Variants in DPH6 observed in about 807,000 individuals in gnomAD.
The protein encoded by DPH6 is diphthamine biosynthesis 6, also known as diphthine--ammonia ligase.
A neutral mutation model predicts 38.2 loss-of-function variants in DPH6; 33 were observed. That is an observed-to-expected ratio of 0.86 (90% CI 0.65 to 1.15). The LOEUF is 1.15. Ranked by LOEUF, DPH6 falls within the 50% of genes most tolerant of loss-of-function variation. The pLI is 0.00. For synonymous variants in DPH6, 108 were observed against 103.0 expected, an observed-to-expected ratio of 1.05 and a Z score of -0.30; for missense variants, 325 against 320.0, an observed-to-expected ratio of 1.02 and a Z score of -0.12.
At chr15:35,189,249 A>G in the DPH6 span, among the ~76,000 whole-genome samples, 1 of 152,160 alleles carries the variant, frequency 6.6e-6, no homozygotes. Context: ...CCTTTACCCT[A>G]TTTTTCTCAC....
At chr15:35,540,308 A>C (rs999506536) in intron 2 of DPH6, among the ~76,000 whole-genome samples, 11 of 152,122 alleles carry the variant, frequency 7.2e-5, no homozygotes, top group African/African-American at 2.7e-4. Flanking sequence ...AAATCTAAAG[A>C]GATGGTTTTG....
At chr15:35,214,055 T>G (rs1228432334), downstream of DPH6, among the ~76,000 whole-genome samples, 4 of 147,862 alleles carry the variant, frequency 2.7e-5, no homozygotes, top group African/African-American at 7.5e-5. Flanking sequence ...GAGCTTGCAG[T>G]GAGCTGAGAT....
At chr15:35,498,451 T>G (rs950659117) in intron 3 of DPH6, among the ~76,000 whole-genome samples, 4 of 152,066 alleles carry the variant, frequency 2.6e-5, no homozygotes, top group Non-Finnish European at 5.9e-5. Flanking sequence ...AAAAAACAGA[T>G]TTTTGCACAG....
intron 5 of DPH6, among the ~76,000 whole-genome samples, chr15:35,436,455 G>C (rs1295287476): frequency 9.3e-6 from 1 of 107,872 alleles, no homozygotes; most frequent in Non-Finnish European, 1.9e-5. Context: ...GACAGAGTGA[G>C]ACTCCGTCTC....
chr15:35,480,934 T>C (rs2054318629), intron 3 of DPH6, among the ~76,000 whole-genome samples: 1 of 151,320 alleles, frequency 6.6e-6, no homozygotes, highest in South Asian at 2.1e-4. Flanking sequence ...AAATAGTATA[T>C]GTTTCCTGAT....
chr15:35,502,662 T>C (rs1360458090), intron 3 of DPH6, among the ~76,000 whole-genome samples: 2 of 151,716 alleles, frequency 1.3e-5, no homozygotes, highest in Admixed American at 1.3e-4. Flanking sequence ...AAGAGGAATA[T>C]CTGAAAAATC....
At chr15:35,535,480 G>C (rs972626507) in intron 3 of DPH6, among the ~76,000 whole-genome samples, 31 of 152,108 alleles carry the variant, frequency 2.0e-4, no homozygotes, top group African/African-American at 7.0e-4. Context: ...GATCCAGAAA[G>C]TAGTTCCAAC....
intron 3 of DPH6, among the ~76,000 whole-genome samples, chr15:35,347,662 G>A (rs1449827393): frequency 1.3e-5 from 2 of 150,720 alleles, no homozygotes; most frequent in Non-Finnish European, 3.0e-5. Context: ...GTGGGATTGT[G>A]GTATAATATG....
intron 1 of DPH6, among the ~76,000 whole-genome samples, chr15:35,544,582 C>T (rs2055315266): frequency 6.6e-6 from 1 of 152,004 alleles, no homozygotes; most frequent in Non-Finnish European, 1.5e-5. Context: ...ACTTATAATA[C>T]ATAATTATAT....
rs556684412 is a variant in DPH6, at chr15:35,310,170, C to T, written n.200+63351G>A. On this transcript the variant is annotated intron_variant and non_coding_transcript_variant, in intron 3 of 3. Transcript: ENST00000560386. ...CCCAGATTGAGAACACCACGTAGAACGAGAATGGATATTCTTTAGGGACAG... is the reference window on the plus strand; with the variant it reads ...CCCAGATTGAGAACACCACGTAGAATGAGAATGGATATTCTTTAGGGACAG... 2.1e-4 allele frequency among the ~76,000 whole-genome samples: 32 copies of T among 152,190 alleles called. 1 individual carries two copies. Among genetic ancestry groups the T allele is most frequent in the South Asian group, 8.3e-4 (4 of 4,828 alleles).
At chr15:35,301,948 TG>T (rs2052057285) in intron 3 of DPH6, among the ~76,000 whole-genome samples, 1 of 152,134 alleles carries the variant, frequency 6.6e-6, no homozygotes, top group Non-Finnish European at 1.5e-5. Context: ...CACTCGAGCC[TG>T]GGCGGCAGAG....
chr15:35,169,499 C>T, the DPH6 span: 1 of 152,150 alleles, frequency 6.6e-6, no homozygotes, highest in African/African-American at 2.4e-5. Flanking sequence ...GATAGGCTTT[C>T]TCATGACTTA....
chr15:35,421,452 A>C (rs570958333), intron 5 of DPH6, among the ~76,000 whole-genome samples: 111 of 152,326 alleles, frequency 7.3e-4, no homozygotes, highest in Non-Finnish European at 1.2e-3. Context: ...AGTTAATGAT[A>C]ATAACTGCTG....
At chr15:35,353,998 C>A (rs942330163) in intron 3 of DPH6, among the ~76,000 whole-genome samples, 6 of 152,114 alleles carry the variant, frequency 3.9e-5, no homozygotes, top group African/African-American at 1.4e-4. Flanking sequence ...TCCTTCACAT[C>A]CCTTATAAGT....
At chr15:35,273,060 T>C (rs1333496187) in intron 3 of DPH6, among the ~76,000 whole-genome samples, 1 of 152,152 alleles carries the variant, frequency 6.6e-6, no homozygotes, top group East Asian at 1.9e-4. Flanking sequence ...AGCACCATGC[T>C]TCCTGTACAG....
intron 6 of DPH6, among the ~76,000 whole-genome samples, chr15:35,384,665 A>G (rs1334536146): frequency 7.8e-6 from 1 of 128,902 alleles, no homozygotes; most frequent in African/African-American, 3.4e-5. Context: ...CTCTGTCTCA[A>G]AAAAATAAAA....
intron 3 of DPH6, among the ~76,000 whole-genome samples, chr15:35,266,476 C>G (rs560963974): frequency 6.6e-6 from 1 of 152,256 alleles, no homozygotes; most frequent in African/African-American, 2.4e-5. Flanking sequence ...TCTGGCAAAT[C>G]AGGGACTAAA....
At chr15:35,375,946 G>A (rs185233780) in intron 7 of DPH6, among the ~76,000 whole-genome samples, 4 of 152,154 alleles carry the variant, frequency 2.6e-5, no homozygotes, top group East Asian at 1.9e-4. Flanking sequence ...TCAAACATAC[G>A]GTTTCTGTAT....
rs2053925321 is a variant in DPH6 at position 35,450,946 on chromosome 15, A to C, written c.387-143T>G. ...TGCTTTTAAAAACATATTTTGCATAATGTTTATATATACAACATAAACATA... is the reference window on the plus strand; with the variant it reads ...TGCTTTTAAAAACATATTTTGCATACTGTTTATATATACAACATAAACATA... On this transcript the variant is annotated intron_variant, in intron 4 of 8. Transcript: ENST00000256538. 4 of 611,672 alleles carry C rather than the reference A, an allele frequency of 6.5e-6. No homozygotes were observed. The Admixed American group carries it at 1.3e-4, about 20-fold the overall frequency. The allele number at this position is 611,672 out of a possible 1,614,324, so 37.9% of individuals were successfully genotyped here.
Sources: allele counts gnomAD v4.1 joint callset (sites outside exome capture counted in the v4.1 genomes callset), GRCh38; gene constraint gnomAD v4.1.1; transcripts MANE v1.5; gene names NCBI Gene and HGNC (gene_info 2026-07-23, HGNC 2026-07-21).